Variants in TAFA5 observed in about 807,000 individuals in gnomAD.
TAFA5 encodes the protein TAFA chemokine like family member 5, also known as chemokine-like protein TAFA-5.
A neutral mutation model predicts 15.3 loss-of-function variants in TAFA5; 6 were observed. The ratio of observed to expected loss-of-function variants is 0.39; its 90% CI spans 0.21 to 0.77. The LOEUF is 0.77. Among genes scored for constraint, TAFA5 ranks in the 30% least tolerant of loss-of-function variants. TAFA5 has a pLI of 0.41. For missense variants in TAFA5, 161 were observed against 193.1 expected, an observed-to-expected ratio of 0.83 and a Z score of 0.98; for synonymous variants, 103 against 80.7, an observed-to-expected ratio of 1.28 and a Z score of -1.48.
At position 48,603,449 on chromosome 22, in the gene TAFA5, G is replaced by C. The variant is rs183875290; in HGVS notation, c.113-43148G>C. On this transcript the variant is annotated intron_variant, in intron 1 of 3. Transcript: ENST00000402357. The stretch of plus-strand genomic sequence containing the variant: ...GGGACAGTGGTGCCGGGTGTCTGAC[G>C]GTCTCCTTGTGCCCCTGCCTGCTGG... Among the ~76,000 whole-genome samples the C allele has an allele frequency of 5.9e-5, 9 of 152,354 alleles. No homozygotes were observed. The East Asian group carries it at 1.7e-3, about 29-fold the overall frequency.
intron 1 of TAFA5, among the ~76,000 whole-genome samples, chr22:48,493,236 T>C (rs998894082): frequency 1.2e-4 from 18 of 152,228 alleles, no homozygotes; most frequent in African/African-American, 4.1e-4. Context: ...ACCCAGACTA[T>C]ATTTCAGCGT....
intron 1 of TAFA5, among the ~76,000 whole-genome samples, chr22:48,567,292 C>T (rs773018644): frequency 6.6e-6 from 1 of 152,230 alleles, no homozygotes; most frequent in Non-Finnish European, 1.5e-5. Flanking sequence ...GCTGGGAGGG[C>T]CCTCGTGTGT....
At chr22:48,585,685 A>G (rs778214679) in intron 1 of TAFA5, among the ~76,000 whole-genome samples, 11 of 151,458 alleles carry the variant, frequency 7.3e-5, no homozygotes, top group Non-Finnish European at 1.5e-4. Flanking sequence ...CCACAAACAT[A>G]CACAACGTAT....
chr22:48,725,238 C>T (rs1340379726), intron 3 of TAFA5, among the ~76,000 whole-genome samples: 2 of 152,214 alleles, frequency 1.3e-5, no homozygotes, highest in Admixed American at 6.5e-5. Flanking sequence ...GAGACGAGCT[C>T]CCCGCCATGC....
At chr22:48,505,589 CA>C (rs570135206) in intron 1 of TAFA5, among the ~76,000 whole-genome samples, 1 of 152,260 alleles carries the variant, frequency 6.6e-6, no homozygotes, top group South Asian at 2.1e-4. Flanking sequence ...GCACTGCCAT[CA>C]GCCTACAGCT....
At chr22:48,622,112 C>T (rs974631715) in intron 1 of TAFA5, among the ~76,000 whole-genome samples, 20 of 152,286 alleles carry the variant, frequency 1.3e-4, no homozygotes, top group South Asian at 4.1e-4. Context: ...GAGTGGGAGA[C>T]GCTGAAATCA....
rs532081830 is a variant in TAFA5 at position 48,563,112 on chromosome 22, A to G, written c.112+73408A>G. Among the ~76,000 whole-genome samples, 12 of 152,200 alleles carry G rather than the reference A, an allele frequency of 7.9e-5. No homozygotes were observed. In the South Asian group the frequency reaches 2.5e-3, roughly 32 times the overall value. ...TCCACCATTTCTCTGACATTTAGCA[A>G]ACAGTGCCGGCCGCCCCTCCTCAGG... is the stretch of plus-strand genomic sequence containing the variant. On this transcript the variant is annotated intron_variant, in intron 1 of 3. Transcript: ENST00000402357.
At chr22:48,571,572 C>CCGTTTTT (rs1569029616) in intron 1 of TAFA5, among the ~76,000 whole-genome samples, 1 of 40,780 alleles carries the variant, frequency 2.5e-5, no homozygotes, top group Admixed American at 3.6e-4. Flanking sequence ...TGTGCCTGGC[C>CCGTTTTT]TGTTTTTTTT....
intron 1 of TAFA5, among the ~76,000 whole-genome samples, chr22:48,502,200 G>A (rs1920956058): frequency 6.6e-6 from 1 of 152,228 alleles, no homozygotes. Flanking sequence ...TGAGGAGTCT[G>A]CCTGTCCTGG....
chr22:48,666,899 A>G (rs1274413674), intron 2 of TAFA5, among the ~76,000 whole-genome samples: 1 of 152,048 alleles, frequency 6.6e-6, no homozygotes, highest in South Asian at 2.1e-4. Flanking sequence ...CTTCATCCCC[A>G]TGGTGCTGAG....
chr22:48,555,125 A>G (rs133462), intron 1 of TAFA5, among the ~76,000 whole-genome samples: 102,498 of 152,184 alleles, frequency 0.67, 35,885 homozygotes, highest in Non-Finnish European at 0.77. Context: ...CCCACCCACC[A>G]CTGTCTCTTA....
intron 2 of TAFA5, among the ~76,000 whole-genome samples, chr22:48,683,669 G>C (rs1928263568): frequency 1.3e-5 from 2 of 152,234 alleles, no homozygotes; most frequent in Admixed American, 1.3e-4. Context: ...TCACAGAACT[G>C]TTTTGAAAAA....
chr22:48,544,300 G>A (rs1411514909), intron 1 of TAFA5: 1 of 249,786 alleles, frequency 4.0e-6, no homozygotes, highest in South Asian at 5.5e-5. Context: ...GACCTGGGGG[G>A]CATCCTCCCC....
At chr22:48,569,677 G>A (rs1015092243) in intron 1 of TAFA5, among the ~76,000 whole-genome samples, 61 of 152,230 alleles carry the variant, frequency 4.0e-4, no homozygotes, top group Non-Finnish European at 6.2e-4. Context: ...TGACACGGGG[G>A]CCGGGCTCGT....
chr22:48,612,431 C>T (rs1462930885), intron 1 of TAFA5, among the ~76,000 whole-genome samples: 2 of 152,138 alleles, frequency 1.3e-5, no homozygotes, highest in African/African-American at 2.4e-5. Context: ...ACATTTTGAG[C>T]GTGTGTCAAG....
intron 1 of TAFA5, among the ~76,000 whole-genome samples, chr22:48,625,479 G>T (rs139573030): frequency 6.6e-6 from 1 of 152,184 alleles, no homozygotes; most frequent in Non-Finnish European, 1.5e-5. Context: ...TAGCACTATC[G>T]CAATCATGAG....
At chr22:48,719,201 C>T (rs562467347) in intron 3 of TAFA5, among the ~76,000 whole-genome samples, 58 of 152,336 alleles carry the variant, frequency 3.8e-4, no homozygotes, top group Non-Finnish European at 6.3e-4. Context: ...AAGGCCGGCT[C>T]ACCTTCCCCG....
intron 3 of TAFA5, among the ~76,000 whole-genome samples, chr22:48,725,181 C>T (rs1373853300): frequency 5.9e-5 from 9 of 152,218 alleles, no homozygotes; most frequent in Admixed American, 3.9e-4. Context: ...CAGGCCATCC[C>T]GGAGTGGGCA....
chr22:48,576,637 C>T (rs1197827352), intron 1 of TAFA5: 1 of 1,291,366 alleles, frequency 7.7e-7, no homozygotes. Flanking sequence ...GCTCCGGCGC[C>T]CGACCCGGCT....
Sources: gnomAD v4.1 joint callset for allele counts (sites outside exome capture counted in the v4.1 genomes callset) on GRCh38, gnomAD v4.1.1 for gene constraint, MANE v1.5 for transcripts, NCBI Gene and HGNC (gene_info 2026-07-23, HGNC 2026-07-21) for gene names.